Variants in MYOF observed in about 807,000 individuals in gnomAD.
MYOF encodes fer-1-like 3, myoferlin.
MYOF carries 244 observed loss-of-function variants against 284.2 expected under a neutral mutation model. The ratio of observed to expected loss-of-function variants is 0.86; its 90% confidence interval spans 0.77 to 0.95. MYOF has a LOEUF of 0.95. Ranked by LOEUF, MYOF falls within the 40% of genes least tolerant of loss-of-function variation. The pLI, the probability that MYOF is intolerant of heterozygous loss-of-function variation, is 0.00. For synonymous variants in MYOF, 904 were observed against 919.7 expected, an observed-to-expected ratio of 0.98 and a Z score of 0.31; for missense variants, 2,496 against 2,560.6, an observed-to-expected ratio of 0.97 and a Z score of 0.54.
At chr10:93,339,367 T>TTGTGTGTGTGTG (rs35070199) in intron 39 of MYOF, among the ~76,000 whole-genome samples, 27,861 of 150,186 alleles carry the variant, frequency 0.19, 3,467 homozygotes, top group East Asian at 0.58. Flanking sequence ...TGCTTCTTAT[T>TTGTGTGTGTGTG]TGTGTGTGTG....
chr10:93,450,189 C>T (rs1364680049), intron 3 of MYOF, among the ~76,000 whole-genome samples: 1 of 152,100 alleles, frequency 6.6e-6, no homozygotes, highest in Non-Finnish European at 1.5e-5. Flanking sequence ...GTCAGGAGTT[C>T]GAGAACAGCC....
At chr10:93,399,539 A>G (rs374502131) in intron 12 of MYOF, 44 bp from the exon 13 acceptor site, 37 of 1,488,488 alleles carry the variant, frequency 2.5e-5, no homozygotes, top group Non-Finnish European at 3.4e-5. Flanking sequence ...TTCAATTCCC[A>G]GAAATTTGGC....
At chr10:93,307,037 G>A in intron 53 of MYOF, 36 bp from the exon 54 acceptor site, 2 of 1,557,520 alleles carry the variant, frequency 1.3e-6, no homozygotes, top group Non-Finnish European at 1.8e-6. Flanking sequence ...AAAAAAACAT[G>A]TATGTATATA....
intron 3 of MYOF, 149 bp downstream of exon 3, chr10:93,451,901 A>T (rs749792290): frequency 6.0e-6 from 4 of 670,316 alleles, no homozygotes; most frequent in Non-Finnish European, 1.0e-5. Flanking sequence ...CACATCTGCT[A>T]TTGGCTTAGA....
At chr10:93,403,278 C>T (rs1404256838) in intron 9 of MYOF, among the ~76,000 whole-genome samples, 1 of 152,218 alleles carries the variant, frequency 6.6e-6, no homozygotes, top group African/African-American at 2.4e-5. Flanking sequence ...TCCTCCTTCT[C>T]CTCCAGCTAA....
intron 18 of MYOF, 132 bp from the exon 19 acceptor site, chr10:93,388,045 G>A (rs749152346): frequency 2.2e-5 from 15 of 694,074 alleles, no homozygotes; most frequent in South Asian, 5.0e-5. Flanking sequence ...TGAATCAGTC[G>A]GCAACTCTCC....
At chr10:93,332,770 C>T (rs1843384623) in intron 43 of MYOF, among the ~76,000 whole-genome samples, 1 of 152,060 alleles carries the variant, frequency 6.6e-6, no homozygotes, top group Admixed American at 6.5e-5. Context: ...TGGCGTGAAC[C>T]CAGGAGGCGG....
chr10:93,310,104 C>CCA lies in MYOF; in HGVS notation c.6061_6062dup (p.Trp2021CysfsTer35). 1 of 1,614,106 alleles carries CCA rather than the reference C, an allele frequency of 6.2e-7. No individual in the cohort carries two copies. Among genetic ancestry groups the CCA allele is most frequent in the South Asian group, 1.1e-5 (1 of 91,060 alleles). On this transcript the variant is annotated frameshift_variant, in exon 53 of 54. Coordinates refer to ENST00000359263, the MANE Select transcript of MYOF (RefSeq NM_013451.4). LOFTEE classifies it high-confidence loss of function. The stretch of plus-strand genomic sequence containing the variant: ...CGATGATGACCCACTTAAAGCGGCG[C>CCA]CACACGATGAACTTCATGGTCTTGC...
intron 42 of MYOF, 105 bp from the exon 43 acceptor site, chr10:93,333,417 C>T (rs1479346550): frequency 1.4e-5 from 14 of 983,964 alleles, no homozygotes; most frequent in Non-Finnish European, 1.9e-5. Context: ...CAGCTGATGA[C>T]AAGGTGGCCG....
intron 38 of MYOF, among the ~76,000 whole-genome samples, chr10:93,340,918 C>G (rs1166437895): frequency 6.6e-6 from 1 of 152,132 alleles, no homozygotes; most frequent in African/African-American, 2.4e-5. Context: ...TGCCTAGACC[C>G]CTTTCTGAGA....
At position 93,387,834 on chromosome 10, in the gene MYOF, A is replaced by G. The variant is rs1357307784; in HGVS notation, c.1661T>C (p.Leu554Pro). Residue 554 changes from leucine (L) to proline (P), a missense_variant, in exon 19 of 54, where the codon CTT (leucine) becomes CCT (proline). Coordinates refer to ENST00000359263, the MANE Select transcript of MYOF (RefSeq NM_013451.4). ...CAGGTCATCATTTGAAATGGGCTCA[A>G]GCTTTTTATCTGGTGGTGTCTTCTC... ...FLEKTPPDKK[L>P]EPISNDDLLV... The G allele has an allele frequency of 6.2e-7, 1 of 1,614,024 alleles. No individual in the cohort carries two copies. The highest frequency in any genetic ancestry group is 1.1e-5 in the South Asian group (1 of 91,082).
At chr10:93,383,848 G>A (rs1846234447) in intron 19 of MYOF, among the ~76,000 whole-genome samples, 1 of 152,156 alleles carries the variant, frequency 6.6e-6, no homozygotes, top group South Asian at 2.1e-4. Flanking sequence ...GGGGAGGCTT[G>A]GAGGTGGGGT....
intron 1 of MYOF, among the ~76,000 whole-genome samples, chr10:93,467,652 C>T (rs891480466): frequency 1.2e-4 from 18 of 152,120 alleles, no homozygotes; most frequent in Admixed American, 1.0e-3. Flanking sequence ...ATAAATCATG[C>T]TGCTATAAAG....
chr10:93,382,276 T>A (rs1286899225), intron 19 of MYOF, among the ~76,000 whole-genome samples: 1 of 152,048 alleles, frequency 6.6e-6, no homozygotes, highest in Non-Finnish European at 1.5e-5. Flanking sequence ...TCTCATGCTG[T>A]CACCTAGGTT....
rs371320435 is a variant in MYOF at position 93,470,387 on chromosome 10, C to A, written c.88+11720G>T. On this transcript the variant is annotated intron_variant, in intron 1 of 53. Transcript: ENST00000359263. The stretch of plus-strand genomic sequence containing the variant: ...TGCCAATAATGATAATGTCTCCTTT[C>A]CAGAAGTTTTTGTTTTTTTGTTTTT... Among the ~76,000 whole-genome samples the A allele has an allele frequency of 2.6e-5, 4 of 152,060 alleles. No individual in the cohort carries two copies. The East Asian group carries it at 5.8e-4, about 22-fold the overall frequency.
At position 93,323,096 on chromosome 10, in the gene MYOF, C is replaced by T; in HGVS notation, c.5438G>A (p.Ser1813Asn). The T allele has an allele frequency of 6.2e-7, 1 of 1,614,004 alleles. No individual in the cohort carries two copies. The highest frequency in any genetic ancestry group is 8.5e-7 in the Non-Finnish European group (1 of 1,179,828). The change falls in exon 48 of 54, where the codon AGT (serine) becomes AAT (asparagine). Residue 1813 changes from serine to asparagine, a missense_variant. Physicochemically the swap from Ser to Asn is conservative, Grantham distance 46. Coordinates refer to ENST00000359263, the MANE Select transcript of MYOF (RefSeq NM_013451.4). Reference protein sequence around the residue: ...DEKSITGEEMSDIYVKGWIPG... With the variant: ...DEKSITGEEMNDIYVKGWIPG... ...ACCTTACCCTTTGACGTAGATGTCA[C>T]TCATTTCCTCTCCTGTGATGCTTTT...
At chr10:93,353,934 A>G (rs1194864626) in intron 31 of MYOF, 46 bp from the exon 32 acceptor site, 1 of 1,435,010 alleles carries the variant, frequency 7.0e-7, no homozygotes, top group African/African-American at 1.4e-5. Flanking sequence ...GTAACACTGT[A>G]AACTGCTATT....
At chr10:93,382,681 G>A (rs1204618045) in intron 19 of MYOF, among the ~76,000 whole-genome samples, 1 of 152,118 alleles carries the variant, frequency 6.6e-6, no homozygotes, top group Non-Finnish European at 1.5e-5. Flanking sequence ...TTGCTCAGCT[G>A]GCATATCTCC....
chr10:93,423,499 C>A (rs1401310544), intron 5 of MYOF, among the ~76,000 whole-genome samples: 1 of 135,322 alleles, frequency 7.4e-6, no homozygotes, highest in Non-Finnish European at 1.5e-5. Flanking sequence ...GCACTCCAGC[C>A]TAGATGACAG....
Sources: allele counts gnomAD v4.1 joint callset (sites outside exome capture counted in the v4.1 genomes callset), GRCh38; gene constraint gnomAD v4.1.1; transcripts MANE v1.5; gene names NCBI Gene and HGNC (gene_info 2026-07-23, HGNC 2026-07-21).